RAB19: variants seen among roughly 807,000 people sequenced by gnomAD.
RAB19 encodes ras-related protein Rab-19.
RAB19 carries 21 observed loss-of-function variants against 17.3 expected under a neutral mutation model. The observed-to-expected ratio is 1.21, with a 90% CI of 0.86 to 1.74. RAB19 has a LOEUF of 1.74. Among genes scored for constraint, RAB19 ranks in the 40% most tolerant of loss-of-function variants. RAB19 has a pLI of 0.00. For synonymous variants in RAB19, 126 were observed against 110.4 expected (o/e 1.14, Z -0.88); for missense variants, 277 against 286.8 (o/e 0.97, Z 0.25).
Position 140,425,911 on chromosome 7 carries a change from C to T in RAB19, c.415C>T (p.His139Tyr). The T allele has an allele frequency of 6.2e-7, 1 of 1,613,892 alleles. No homozygotes were observed. The highest frequency in any genetic ancestry group is 8.5e-7 in the Non-Finnish European group (1 of 1,179,840). The change falls in exon 4 of 4, where the codon CAC (histidine) becomes TAC (tyrosine). Residue 139 changes from histidine (H) to tyrosine (Y), a missense_variant. His to Tyr is a moderately conservative substitution (Grantham distance 83). Coordinates refer to ENST00000537763, the MANE Select transcript of RAB19 (RefSeq NM_001008749.3). ...TAAATGTGACCTCTGGGAAAAGCGG[C>T]ACGTCCTGTTCGAGGATGCCTGCAC... ...GNKCDLWEKR[H>Y]VLFEDACTLA...
chr7:140,410,551 C>T (rs990945465), intron 2 of RAB19, among the ~76,000 whole-genome samples: 15 of 152,060 alleles, frequency 9.9e-5, no homozygotes, highest in Non-Finnish European at 2.1e-4. Context: ...TGGTCTCGAT[C>T]TCCTGACCTC....
At chr7:140,410,961 C>G (rs1799348394) in intron 2 of RAB19, 3 of 1,367,804 alleles carry the variant, frequency 2.2e-6, no homozygotes, top group Non-Finnish European at 2.9e-6. Flanking sequence ...TTGAGTGTTC[C>G]TTTAAAATCA....
At position 140,419,347 on chromosome 7, in the gene RAB19, G is replaced by C. The variant is rs182606051; in HGVS notation, c.386-6535G>C. Among the ~76,000 whole-genome samples the C allele has an allele frequency of 3.0e-3, 452 of 152,234 alleles. 3 individuals are homozygous for C. Among genetic ancestry groups the C allele is most frequent in the African/African-American group, 0.01 (416 of 41,542 alleles). On this transcript the variant is annotated intron_variant, in intron 3 of 3. Transcript: ENST00000537763. ...GCCTCCCAAAGTGCTGAGATTACAG[G>C]TGTGAGCCACTGTGCCTCGTCTTGT...
chr7:140,405,561 G>A (rs922204033), intron 1 of RAB19, among the ~76,000 whole-genome samples: 1 of 151,688 alleles, frequency 6.6e-6, no homozygotes, highest in Non-Finnish European at 1.5e-5. Flanking sequence ...GGGGAGGGGG[G>A]GCGCAGGGCT....
intron 3 of RAB19, among the ~76,000 whole-genome samples, chr7:140,423,059 G>C (rs544944811): frequency 2.0e-5 from 3 of 152,270 alleles, no homozygotes; most frequent in Non-Finnish European, 4.4e-5. Flanking sequence ...AGTGAGCCAA[G>C]ATAGCACCAC....
intron 3 of RAB19, among the ~76,000 whole-genome samples, chr7:140,415,118 A>G (rs1409849771): frequency 6.8e-6 from 1 of 147,464 alleles, no homozygotes; most frequent in African/African-American, 2.5e-5. Context: ...TCTGTCGCCC[A>G]GGCTGGAGTG....
intron 2 of RAB19, among the ~76,000 whole-genome samples, chr7:140,408,675 T>A (rs1312139937): frequency 1.3e-5 from 2 of 151,876 alleles, no homozygotes; most frequent in Non-Finnish European, 2.9e-5. Context: ...AGGGTTTCAC[T>A]ATGTTGGCCA....
intron 3 of RAB19, among the ~76,000 whole-genome samples, chr7:140,424,421 T>G (rs1039598366): frequency 1.3e-5 from 2 of 151,938 alleles, no homozygotes; most frequent in African/African-American, 4.8e-5. Flanking sequence ...CTTCCCAAAG[T>G]GCAGGGATTA....
chr7:140,418,872 A>AAC (rs1354960385), intron 3 of RAB19, among the ~76,000 whole-genome samples: 10 of 150,866 alleles, frequency 6.6e-5, no homozygotes, highest in Non-Finnish European at 1.3e-4. Context: ...AAAAAAAAAA[A>AAC]AGAATATTGC....
intron 3 of RAB19, among the ~76,000 whole-genome samples, chr7:140,417,601 A>C (rs1297056964): frequency 5.3e-5 from 8 of 152,166 alleles, no homozygotes; most frequent in Non-Finnish European, 7.3e-5. Flanking sequence ...TTGAAGGTGC[A>C]TGCTATACGA....
At chr7:140,411,538 T>A (rs1289819966) in intron 2 of RAB19, among the ~76,000 whole-genome samples, 2 of 144,930 alleles carry the variant, frequency 1.4e-5, no homozygotes, top group Admixed American at 6.9e-5. Flanking sequence ...CCTGATGAGC[T>A]AAAAAAAAAA....
chr7:140,419,398 A>G (rs1413732789), intron 3 of RAB19, among the ~76,000 whole-genome samples: 2 of 152,082 alleles, frequency 1.3e-5, no homozygotes, highest in Non-Finnish European at 2.9e-5. Flanking sequence ...TACGTTATAT[A>G]TAAACAAAAT....
At chr7:140,410,007 A>G (rs1392960724) in intron 2 of RAB19, among the ~76,000 whole-genome samples, 2 of 150,848 alleles carry the variant, frequency 1.3e-5, no homozygotes, top group African/African-American at 4.8e-5. Context: ...AAAAAAAAAA[A>G]AAAAAGATAA....
chr7:140,413,059 GAGGTTAC>G (rs1799395959), intron 3 of RAB19, among the ~76,000 whole-genome samples: 1 of 152,058 alleles, frequency 6.6e-6, no homozygotes, highest in Admixed American at 6.6e-5. Flanking sequence ...CCAGCAGGCA[GAGGTTAC>G]AGTAAGCTGA....
chr7:140,424,619 C>CTCTA (rs1417797554), intron 3 of RAB19, among the ~76,000 whole-genome samples: 1,926 of 87,736 alleles, frequency 0.022, 18 homozygotes, highest in Non-Finnish European at 0.035. Flanking sequence ...CTCTCTCTCT[C>CTCTA]TATATATATA....
chr7:140,415,654 T>C (rs1799442667), intron 3 of RAB19, among the ~76,000 whole-genome samples: 1 of 152,132 alleles, frequency 6.6e-6, no homozygotes, highest in African/African-American at 2.4e-5. Context: ...ACAGAGCAGG[T>C]TGAATAAAAT....
intron 3 of RAB19, among the ~76,000 whole-genome samples, chr7:140,423,605 A>G (rs1038641280): frequency 1.3e-5 from 2 of 152,242 alleles, no homozygotes; most frequent in Admixed American, 1.3e-4. Context: ...AAAAGGTTAC[A>G]TATATGAATC....
chr7:140,425,783 C>T (rs1799654868), intron 3 of RAB19, 99 bp from the exon 4 acceptor site: 2 of 1,261,012 alleles, frequency 1.6e-6, no homozygotes, highest in East Asian at 4.7e-5. Context: ...TGAATGCATG[C>T]ATGCCTATTG....
chr7:140,413,918 GT>G (rs1386344454), intron 3 of RAB19, among the ~76,000 whole-genome samples: 1 of 152,120 alleles, frequency 6.6e-6, no homozygotes, highest in Non-Finnish European at 1.5e-5. Context: ...GCTACATGCG[GT>G]TTCCCCAGGA....
Sources: gnomAD v4.1 joint callset for allele counts (sites outside exome capture counted in the v4.1 genomes callset) on GRCh38, gnomAD v4.1.1 for gene constraint, MANE v1.5 for transcripts, NCBI Gene and HGNC (gene_info 2026-07-23, HGNC 2026-07-21) for gene names.